Variants in PLOD1 observed in about 807,000 individuals in gnomAD.
PLOD1 encodes the protein lysine hydroxylase.
Under a neutral mutation model 94.7 loss-of-function variants are expected in PLOD1, and 70 were observed. The ratio of observed to expected loss-of-function variants is 0.74; its 90% CI spans 0.61 to 0.90. The LOEUF (loss-of-function observed/expected upper bound fraction) is 0.90. Among genes scored for constraint, PLOD1 ranks in the 40% least tolerant of loss-of-function variants. The pLI, the probability that PLOD1 is intolerant of heterozygous loss-of-function variation, is 0.00. For synonymous variants in PLOD1, 417 were observed against 400.2 expected, an observed-to-expected ratio of 1.04 and a Z score of -0.50; for missense variants, 905 against 972.7, an observed-to-expected ratio of 0.93 and a Z score of 0.93.
intron 9 of PLOD1, among the ~76,000 whole-genome samples, chr1:11,959,931 CTT>C (rs1192824528): frequency 3.7e-4 from 45 of 123,216 alleles, no homozygotes; most frequent in Non-Finnish European, 3.5e-4. Flanking sequence ...GTTGTTTTTC[CTT>C]TTTTTTTTTT....
intron 1 of PLOD1, chr1:11,944,454 C>T (rs1418476196): frequency 9.8e-7 from 1 of 1,021,154 alleles, no homozygotes; most frequent in Non-Finnish European, 1.4e-6. Flanking sequence ...CACACACACA[C>T]TCACTCACAT....
Position 11,964,186 on chromosome 1 carries a change from C to A in PLOD1, c.1214C>A (p.Ala405Asp). The A allele has an allele frequency of 6.2e-7, 1 of 1,613,894 alleles. No individual in the cohort carries two copies. Among genetic ancestry groups the A allele is most frequent in the Non-Finnish European group, 8.5e-7 (1 of 1,179,932 alleles). Reference protein sequence around the residue: ...LLIQQNKNVIAPLMTRHGRLW... With the variant: ...LLIQQNKNVIDPLMTRHGRLW... The stretch of plus-strand genomic sequence containing the variant: ...CTCCCTTCCCTCAGGAACGTCATTG[C>A]CCCGCTGATGACCCGGCATGGGAGG... Residue 405 changes from alanine (A) to aspartate (D), a missense_variant, in exon 12 of 19, where the codon GCC becomes GAC. By Grantham distance (126) the Ala-to-Asp change is moderately radical. Transcript: ENST00000196061.
chr1:11,947,264 C>T (rs1006213857), intron 1 of PLOD1, among the ~76,000 whole-genome samples: 1 of 147,778 alleles, frequency 6.8e-6, no homozygotes, highest in Non-Finnish European at 1.5e-5. Flanking sequence ...AACAAACAAA[C>T]AAACAAAAAA....
intron 1 of PLOD1, among the ~76,000 whole-genome samples, chr1:11,937,311 AG>A (rs1027988666): frequency 6.6e-6 from 1 of 152,168 alleles, no homozygotes; most frequent in African/African-American, 2.4e-5. Flanking sequence ...CAAGAATTCC[AG>A]GGGATGAAGT....
Position 11,957,691 on chromosome 1 carries a change from T to C in PLOD1, c.742-151T>C. The C allele has an allele frequency of 1.3e-6, 1 of 746,994 alleles. No homozygotes were observed. The highest frequency in any genetic ancestry group is 2.5e-6 in the Non-Finnish European group (1 of 406,072). 46.3% of individuals were successfully genotyped at this position (746,994 alleles called of 1,614,324 possible). On this transcript the variant is annotated intron_variant, in intron 7 of 18. Coordinates refer to ENST00000196061, the MANE Select transcript of PLOD1 (RefSeq NM_000302.4). This position sits in a 1 kb window ranked among gnomAD's most constrained non-coding sequence, Gnocchi z 4.1. ...CCTCTCTCAGAGCGGCTTGGTGATC[T>C]CCTGGGGATGGAGCATTATCTCCAA...
intron 9 of PLOD1, among the ~76,000 whole-genome samples, chr1:11,959,338 G>C (rs1264729718): frequency 1.3e-5 from 2 of 152,036 alleles, no homozygotes; most frequent in Non-Finnish European, 2.9e-5. Flanking sequence ...TGCACAGGAC[G>C]CATCTAGTTG....
chr1:11,966,936 A>G (rs775960402), intron 15 of PLOD1, 51 bp from the exon 16 acceptor site: 2 of 1,119,244 alleles, frequency 1.8e-6, no homozygotes, highest in Non-Finnish European at 2.7e-6. Context: ...AGGAAGGAGG[A>G]TTCTGTGGTG....
chr1:11,964,103 C>A lies in PLOD1; in HGVS notation c.1203-72C>A, dbSNP rs201230979. On this transcript the variant is annotated intron_variant, in intron 11 of 18. Transcript: ENST00000196061. ...CAGGTTGAGGGGCACCTACCTCCCCCCATCCCTGGTTAGTGCTGTCTCCTA... is the reference window on the plus strand; with the variant it reads ...CAGGTTGAGGGGCACCTACCTCCCCACATCCCTGGTTAGTGCTGTCTCCTA... The A allele has an allele frequency of 3.4e-6, 5 of 1,485,594 alleles. No individual in the cohort carries two copies. In the South Asian group the frequency reaches 4.5e-5, roughly 13 times the overall value. 92.0% of individuals were successfully genotyped at this position (1,485,594 alleles called of 1,614,324 possible). A position where few individuals can be genotyped will look rare whatever the true frequency, so the allele number is the denominator to read the frequency against.
At chr1:11,953,802 AG>A (rs1645719639) in intron 5 of PLOD1, among the ~76,000 whole-genome samples, 1 of 151,918 alleles carries the variant, frequency 6.6e-6, no homozygotes, top group Non-Finnish European at 1.5e-5. Context: ...CAAAAAAAAA[AG>A]CAATAATGAT....
At chr1:11,946,589 A>C (rs1342996636) in intron 1 of PLOD1, among the ~76,000 whole-genome samples, 1 of 152,168 alleles carries the variant, frequency 6.6e-6, no homozygotes, top group Non-Finnish European at 1.5e-5. Context: ...TGAGCCATGT[A>C]TTTGCTGTCC....
Position 11,972,199 on chromosome 1 carries a change from T to G in PLOD1, c.1903-673T>G, listed in dbSNP as rs1645869974. The G allele has an allele frequency of 7.1e-6, 1 of 139,910 alleles. No individual in the cohort carries two copies. Among genetic ancestry groups the G allele is most frequent in the Non-Finnish European group, 1.5e-5 (1 of 65,888 alleles). 8.7% of individuals were successfully genotyped at this position (139,910 alleles called of 1,614,324 possible). A position where few individuals can be genotyped will look rare whatever the true frequency, so the allele number is the denominator to read the frequency against. On this transcript the variant is annotated intron_variant, in intron 17 of 18. Transcript: ENST00000196061. The surrounding 1 kb of genome is among the most constrained non-coding windows in gnomAD (Gnocchi z 4.6). ...TTCCTTCGTTCCTTTCTTCCCTTCC[T>G]TCCTTCCTTCCTCTCTCTCTCTCTC...
intron 5 of PLOD1, 80 bp from the exon 6 acceptor site, chr1:11,954,735 GAACTTGGGGACAGAT>G: frequency 7.2e-6 from 7 of 973,680 alleles, no homozygotes; most frequent in Non-Finnish European, 1.2e-5. Context: ...AATGAGGGCT[GAACTTGGGGACAGAT>G]TCCCCACACT....
Position 11,940,962 on chromosome 1 carries a change from T to C in PLOD1, c.76+6107T>C, listed in dbSNP as rs142953338. The stretch of plus-strand genomic sequence containing the variant: ...GCCAGGAGTCTGGCATCTTAGGATG[T>C]TGGGCTCTTGGACAGGGAAATGAAG... On this transcript the variant is annotated intron_variant, in intron 1 of 18. Coordinates refer to ENST00000196061, the MANE Select transcript of PLOD1 (RefSeq NM_000302.4). Among the ~76,000 whole-genome samples the C allele has an allele frequency of 4.7e-3, 722 of 152,320 alleles. 11 individuals carry two copies. The highest frequency in any genetic ancestry group is 0.017 in the African/African-American group (694 of 41,570).
At chr1:11,950,641 C>T (rs1366414260) in intron 4 of PLOD1, 121 bp downstream of exon 4, 3 of 810,862 alleles carry the variant, frequency 3.7e-6, no homozygotes, top group Non-Finnish European at 6.0e-6. Context: ...GCAGAATGTC[C>T]TGAATAGAGC....
At position 11,938,015 on chromosome 1, in the gene PLOD1, C is replaced by T. The variant is rs954044800; in HGVS notation, c.76+3160C>T. On this transcript the variant is annotated intron_variant, in intron 1 of 18. Transcript: ENST00000196061. ...TCGCCCAGGCTGGAGTGCAGTGGCA[C>T]GATCTCAGCGCACTGCAGCCTCCAC... 3.3e-5 allele frequency among the ~76,000 whole-genome samples: 5 copies of T among 150,158 alleles called. No homozygotes were observed. In the East Asian group the frequency reaches 5.9e-4, roughly 18 times the overall value.
At chr1:11,968,967 C>G (rs1321995462) in intron 16 of PLOD1, among the ~76,000 whole-genome samples, 1 of 150,546 alleles carries the variant, frequency 6.6e-6, no homozygotes, top group Admixed American at 6.6e-5. Context: ...AAGTGATTCT[C>G]TTGCCTCAGC....
In PLOD1 at chr1:11,950,512, G is replaced by T. The variant is rs757335356; in HGVS notation, c.458G>T (p.Gly153Val). The T allele has an allele frequency of 6.2e-7, 1 of 1,613,902 alleles. No homozygotes were observed. Among genetic ancestry groups the T allele is most frequent in the Non-Finnish European group, 8.5e-7 (1 of 1,179,938 alleles). ...GTGTCCGATGGCAAGAGGTTCCTGGGCTCTGGAGGTGAGAGGCCTGGGTGC... is the reference window on the plus strand; with the variant it reads ...GTGTCCGATGGCAAGAGGTTCCTGGTCTCTGGAGGTGAGAGGCCTGGGTGC... ...PVVSDGKRFLGSGGFIGYAPN... is the reference protein window; with the variant it reads ...PVVSDGKRFLVSGGFIGYAPN... The change falls in exon 4 of 19, where the codon GGC becomes GTC. Residue 153 changes from glycine (G) to valine (V), a missense_variant. By Grantham distance (109) the Gly-to-Val change is moderately radical (BLOSUM62 -3). Transcript: ENST00000196061.
intron 1 of PLOD1, among the ~76,000 whole-genome samples, chr1:11,944,912 C>T (rs564572612): frequency 1.3e-5 from 2 of 152,354 alleles, no homozygotes; most frequent in East Asian, 3.9e-4. Context: ...AGGGCCTTAC[C>T]TGCCTGCTGT....
At chr1:11,968,552 C>T (rs1265716896) in intron 16 of PLOD1, among the ~76,000 whole-genome samples, 3 of 149,128 alleles carry the variant, frequency 2.0e-5, no homozygotes, top group African/African-American at 4.9e-5. Flanking sequence ...CTCGCTGTGT[C>T]GCCCAGGCTG....
Sources: gnomAD v4.1 joint callset for allele counts (sites outside exome capture counted in the v4.1 genomes callset) on GRCh38, gnomAD v4.1.1 for gene constraint, Gnocchi (gnomAD v3.1) non-coding constraint, MANE v1.5 for transcripts, NCBI Gene and HGNC (gene_info 2026-07-23, HGNC 2026-07-21) for gene names.